ZNF362: variants seen among roughly 807,000 people sequenced by gnomAD.
ZNF362 encodes rotund homolog.
A neutral mutation model predicts 42.9 loss-of-function variants in ZNF362; 11 were observed. The ratio of observed to expected loss-of-function variants is 0.26; its 90% confidence interval spans 0.16 to 0.42. The LOEUF is 0.42. Ranked by LOEUF, ZNF362 falls within the 20% of genes least tolerant of loss-of-function variation. The probability of loss-of-function intolerance (pLI) is 1.00; values close to 1 mark genes in which losing one functional copy is unlikely to be tolerated. For missense variants in ZNF362, 362 were observed against 576.2 expected, an observed-to-expected ratio of 0.63 and a Z score of 3.81; for synonymous variants, 255 against 257.3, an observed-to-expected ratio of 0.99 and a Z score of 0.09.
the ZNF362 span, among the ~76,000 whole-genome samples, chr1:33,207,439 G>T: frequency 6.6e-6 from 1 of 152,196 alleles, no homozygotes; most frequent in African/African-American, 2.4e-5. Context: ...ATAGCAGCAT[G>T]ATTTATAATC....
chr1:33,208,660 G>T, the ZNF362 span, among the ~76,000 whole-genome samples: 1 of 152,192 alleles, frequency 6.6e-6, no homozygotes, highest in East Asian at 1.9e-4. Flanking sequence ...ATTGTAATTT[G>T]GATTCCTAGG....
At position 33,294,858 on chromosome 1, in the gene ZNF362, C is replaced by A. The variant is rs1646106316; in HGVS notation, c.909-79C>A. On this transcript the variant is annotated intron_variant, in intron 6 of 8. Transcript: ENST00000539719. This position sits in a 1 kb window ranked among gnomAD's most constrained non-coding sequence, Gnocchi z 4.2. ...GGGTAGGGACCGAGAGGCTTAGGGG[C>A]CAGAGTAAGGACTTGGGAACTGGAG... 2 of 1,519,668 alleles carry A rather than the reference C, an allele frequency of 1.3e-6. No homozygotes were observed. Among genetic ancestry groups the A allele is most frequent in the Non-Finnish European group, 1.8e-6 (2 of 1,097,806 alleles). 94.1% of individuals were successfully genotyped at this position (1,519,668 alleles called of 1,614,324 possible).
the ZNF362 span, among the ~76,000 whole-genome samples, chr1:33,133,470 T>C: frequency 6.6e-6 from 1 of 152,192 alleles, no homozygotes; most frequent in African/African-American, 2.4e-5. Context: ...GGGCCCCTCA[T>C]GGGGATGGTG....
At chr1:33,179,282 A>C in the ZNF362 span, among the ~76,000 whole-genome samples, 1 of 152,342 alleles carries the variant, frequency 6.6e-6, no homozygotes, top group African/African-American at 2.4e-5. Flanking sequence ...TGGGGCCTTC[A>C]TCCTCAGACA....
At chr1:33,238,579 G>C in the ZNF362 span, among the ~76,000 whole-genome samples, 10 of 151,692 alleles carry the variant, frequency 6.6e-5, no homozygotes, top group East Asian at 1.9e-3. Context: ...AGAAAGGAAG[G>C]GTCATGTAGC....
intron 1 of ZNF362, among the ~76,000 whole-genome samples, chr1:33,257,368 G>T (rs1645800639): frequency 6.6e-6 from 1 of 150,950 alleles, no homozygotes; most frequent in South Asian, 2.1e-4. Flanking sequence ...GGAGGGCTGG[G>T]AATTTAAAGT....
chr1:33,146,122 G>A, the ZNF362 span: 1 of 263,466 alleles, frequency 3.8e-6, no homozygotes, highest in Non-Finnish European at 7.6e-6. Flanking sequence ...CTGGCGCTGG[G>A]AGTTCCTGGA....
At chr1:33,189,666 T>C in the ZNF362 span, among the ~76,000 whole-genome samples, 1 of 31,802 alleles carries the variant, frequency 3.1e-5, no homozygotes, top group South Asian at 1.4e-3. Context: ...TATATATATA[T>C]ATATATGTAT....
the ZNF362 span, chr1:33,163,263 T>A: frequency 2.6e-5 from 4 of 152,162 alleles, no homozygotes; most frequent in African/African-American, 9.7e-5. Context: ...GGTCTTGAAC[T>A]CCTGACCTCA....
rs1048874638 is a variant in ZNF362 at position 33,299,424 on chromosome 1, C to G, written c.*378C>G. On this transcript the variant is annotated 3_prime_UTR_variant, in exon 9 of 9. Transcript: ENST00000539719. The stretch of plus-strand genomic sequence containing the variant: ...GCCAGGAAGTTGGTGCTGCTAAGAC[C>G]GAGAAATTTAAAGAATCGGACAGAT... 1 of 167,840 alleles carries G rather than the reference C, an allele frequency of 6.0e-6. No homozygotes were observed. The highest frequency in any genetic ancestry group is 2.4e-5 in the African/African-American group (1 of 41,330). 10.4% of individuals were successfully genotyped at this position (167,840 alleles called of 1,614,324 possible).
intron 6 of ZNF362, among the ~76,000 whole-genome samples, chr1:33,285,742 C>A (rs757902543): frequency 3.3e-5 from 5 of 152,180 alleles, no homozygotes; most frequent in African/African-American, 7.2e-5. Context: ...GCAGCTGTCA[C>A]TCTAGTGTTT....
chr1:33,200,874 G>A, the ZNF362 span, among the ~76,000 whole-genome samples: 1 of 152,102 alleles, frequency 6.6e-6, no homozygotes, highest in South Asian at 2.1e-4. Flanking sequence ...ATTAGGGTGG[G>A]CCCTAATCTA....
chr1:33,143,966 C>T, the ZNF362 span, among the ~76,000 whole-genome samples: 1 of 152,216 alleles, frequency 6.6e-6, no homozygotes. Flanking sequence ...GCCCCCATGT[C>T]TCTTGCCTGA....
the ZNF362 span, among the ~76,000 whole-genome samples, chr1:33,223,297 C>T: frequency 1.3e-5 from 2 of 152,124 alleles, no homozygotes; most frequent in African/African-American, 4.8e-5. Context: ...TTTCCCTGCA[C>T]AAGCTCTCTT....
chr1:33,147,312 A>G, the ZNF362 span: 2 of 1,614,208 alleles, frequency 1.2e-6, no homozygotes, highest in Non-Finnish European at 1.7e-6. This position sits in a 1 kb window ranked among gnomAD's most constrained non-coding sequence, Gnocchi z 8.1. Flanking sequence ...TGTCATCAGC[A>G]TTGTAGAAGA....
intron 2 of ZNF362, among the ~76,000 whole-genome samples, chr1:33,272,183 T>G (rs1645909142): frequency 6.6e-6 from 1 of 152,160 alleles, no homozygotes; most frequent in Admixed American, 6.5e-5. Flanking sequence ...AGGGAGGCCA[T>G]GGAGGACAGG....
chr1:33,236,690 C>T, the ZNF362 span, among the ~76,000 whole-genome samples: 1 of 150,038 alleles, frequency 6.7e-6, no homozygotes, highest in Admixed American at 6.7e-5. Context: ...AATGCTGACA[C>T]TCAATGTTTT....
chr1:33,261,913 TG>T (rs956655485), intron 1 of ZNF362, among the ~76,000 whole-genome samples: 3 of 152,202 alleles, frequency 2.0e-5, no homozygotes, highest in African/African-American at 7.2e-5. Context: ...AAGTGCTCAA[TG>T]GGACAGTTAC....
At chr1:33,289,856 C>T (rs1467869040) in intron 6 of ZNF362, among the ~76,000 whole-genome samples, 3 of 152,098 alleles carry the variant, frequency 2.0e-5, no homozygotes, top group African/African-American at 7.2e-5. Context: ...TCTGGGAAGC[C>T]GATGTCTTTG....
Sources: allele counts gnomAD v4.1 joint callset (sites outside exome capture counted in the v4.1 genomes callset), GRCh38; gene constraint gnomAD v4.1.1; non-coding constraint Gnocchi (gnomAD v3.1); transcripts MANE v1.5; gene names NCBI Gene and HGNC (gene_info 2026-07-23, HGNC 2026-07-21).